CDS1: variants seen among roughly 807,000 people sequenced by gnomAD.
The protein encoded by CDS1 is CDP-diacylglycerol synthase 1, also known as phosphatidate cytidylyltransferase 1.
Under a neutral mutation model 62.1 loss-of-function variants are expected in CDS1, and 41 were observed. The ratio of observed to expected loss-of-function variants is 0.66; its 90% confidence interval spans 0.51 to 0.86. CDS1 has a LOEUF of 0.86. CDS1 is among the 40% of genes least tolerant of loss of function. The pLI is 0.00. For missense variants in CDS1, 470 were observed against 550.1 expected (o/e 0.85, Z 1.46); for synonymous variants, 185 against 192.6 (o/e 0.96, Z 0.32).
chr4:84,647,717 A>G (rs978902441), intron 12 of CDS1, among the ~76,000 whole-genome samples: 2 of 152,188 alleles, frequency 1.3e-5, no homozygotes, highest in Admixed American at 1.3e-4. Context: ...GCTCTTGTGC[A>G]ATTTGTTAAG....
chr4:84,589,959 C>T (rs185903159), intron 1 of CDS1, among the ~76,000 whole-genome samples: 4 of 152,242 alleles, frequency 2.6e-5, no homozygotes, highest in African/African-American at 4.8e-5. Flanking sequence ...TACAGGCACC[C>T]GCCACCACGC....
At chr4:84,622,422 C>T (rs2148650223) in intron 5 of CDS1, among the ~76,000 whole-genome samples, 1 of 151,926 alleles carries the variant, frequency 6.6e-6, no homozygotes. Context: ...AACCCGATCT[C>T]TACTAAAAAT....
chr4:84,645,633 A>G (rs1004471974), intron 12 of CDS1, among the ~76,000 whole-genome samples: 1 of 152,328 alleles, frequency 6.6e-6, no homozygotes, highest in Non-Finnish European at 1.5e-5. Flanking sequence ...TGCAATGATC[A>G]TGAATACTAA....
chr4:84,597,615 G>A (rs1388343382), intron 1 of CDS1, among the ~76,000 whole-genome samples: 1 of 152,114 alleles, frequency 6.6e-6, no homozygotes, highest in African/African-American at 2.4e-5. Flanking sequence ...TCCAACCTGG[G>A]TGACCCTGCC....
intron 1 of CDS1, among the ~76,000 whole-genome samples, chr4:84,589,894 T>C (rs1312464035): frequency 1.3e-5 from 2 of 152,180 alleles, no homozygotes; most frequent in African/African-American, 4.8e-5. Flanking sequence ...CACTGCAAGC[T>C]CTGCCTCCCG....
chr4:84,619,248 A>G, intron 4 of CDS1, 146 bp from the exon 5 acceptor site: 1 of 443,622 alleles, frequency 2.3e-6, no homozygotes, highest in Non-Finnish European at 3.9e-6. Flanking sequence ...AAACAGGAAA[A>G]TAGCATTTTG....
chr4:84,643,181 A>G, intron 11 of CDS1, 38 bp downstream of exon 11: 1 of 1,593,426 alleles, frequency 6.3e-7, no homozygotes, highest in Non-Finnish European at 8.6e-7. Flanking sequence ...ATTAGAGAAT[A>G]TAATTAGAGA....
intron 5 of CDS1, among the ~76,000 whole-genome samples, chr4:84,620,370 C>G (rs1386160108): frequency 1.3e-5 from 2 of 151,136 alleles, no homozygotes; most frequent in Non-Finnish European, 2.9e-5. Context: ...CTACAGGCCC[C>G]CGCCACCACA....
At chr4:84,645,374 T>C (rs1724526465) in intron 12 of CDS1, 49 bp downstream of exon 12, 1 of 1,143,544 alleles carries the variant, frequency 8.7e-7, no homozygotes, top group Non-Finnish European at 1.3e-6. Context: ...TGAGTTCTCA[T>C]TTCCATCAAC....
intron 1 of CDS1, among the ~76,000 whole-genome samples, chr4:84,594,385 A>T (rs1001418898): frequency 2.6e-5 from 4 of 152,150 alleles, no homozygotes; most frequent in African/African-American, 7.2e-5. Context: ...AGGTAATGAA[A>T]GTTGTCTCAG....
chr4:84,644,598 T>C (rs534014478), intron 11 of CDS1, among the ~76,000 whole-genome samples: 2 of 152,336 alleles, frequency 1.3e-5, no homozygotes, highest in South Asian at 4.1e-4. Flanking sequence ...CAGTTAGTCA[T>C]GTCCATTTCC....
chr4:84,583,523 GT>G lies in CDS1; in HGVS notation c.117+6del. Reference sequence around the variant, plus strand: ...ACCGAGAGCACCAGCGACAAAGTAAGTGGAGCCGAGAGAGGCGGACGCCGCG... The same window carrying G: ...ACCGAGAGCACCAGCGACAAAGTAAGGGAGCCGAGAGAGGCGGACGCCGCG... On this transcript the variant is annotated splice_donor_region_variant and intron_variant, in intron 1 of 12. Coordinates refer to ENST00000295887, the MANE Select transcript of CDS1 (RefSeq NM_001263.4). 6.7e-7 allele frequency: 1 copy of G among 1,497,294 alleles called. No individual in the cohort carries two copies. Among genetic ancestry groups the G allele is most frequent in the Non-Finnish European group, 8.9e-7 (1 of 1,117,722 alleles). The allele number at this position is 1,497,294 out of a possible 1,614,324, so 92.8% of individuals were successfully genotyped here.
At chr4:84,598,270 A>C (rs894103843) in intron 1 of CDS1, among the ~76,000 whole-genome samples, 2 of 152,046 alleles carry the variant, frequency 1.3e-5, no homozygotes, top group African/African-American at 4.8e-5. Context: ...TCAGGTGTGG[A>C]GCTCTATGTC....
intron 1 of CDS1, among the ~76,000 whole-genome samples, chr4:84,603,778 G>A (rs1208816357): frequency 2.6e-5 from 4 of 152,124 alleles, no homozygotes; most frequent in African/African-American, 9.7e-5. Context: ...TCTCTCTTGA[G>A]GATCTAATAA....
At chr4:84,646,237 A>G (rs1724554431) in intron 12 of CDS1, among the ~76,000 whole-genome samples, 1 of 152,182 alleles carries the variant, frequency 6.6e-6, no homozygotes, top group Non-Finnish European at 1.5e-5. Flanking sequence ...GACAGTCCTG[A>G]TAGCGAGTTT....
rs971130834 is a variant in CDS1, at chr4:84,594,268, C to T, written c.118-9975C>T. Among the ~76,000 whole-genome samples, 7 of 152,144 alleles carry T rather than the reference C, an allele frequency of 4.6e-5. No individual in the cohort carries two copies. In the East Asian group the frequency reaches 5.8e-4, roughly 13 times the overall value. On this transcript the variant is annotated intron_variant, in intron 1 of 12. Transcript: ENST00000295887. ...TTATATAGCACCCTGAGATACTGAA[C>T]GGAACCTATTCAGCTTCTAAGGGGT...
intron 5 of CDS1, among the ~76,000 whole-genome samples, chr4:84,621,572 G>A (rs1451822041): frequency 6.6e-6 from 1 of 152,080 alleles, no homozygotes; most frequent in Admixed American, 6.5e-5. Flanking sequence ...CAGGTTTTTT[G>A]TTACTTTTTA....
At chr4:84,645,023 C>T (rs1418907121) in intron 11 of CDS1, among the ~76,000 whole-genome samples, 199 bp from the exon 12 acceptor site, 1 of 152,166 alleles carries the variant, frequency 6.6e-6, no homozygotes, top group Non-Finnish European at 1.5e-5. Flanking sequence ...ATTCAGAAAT[C>T]ATTCTAAAAG....
chr4:84,594,632 A>C (rs1722694126), intron 1 of CDS1, among the ~76,000 whole-genome samples: 1 of 152,106 alleles, frequency 6.6e-6, no homozygotes, highest in South Asian at 2.1e-4. Context: ...AGTTTTCCCT[A>C]CTTTTTTATT....
Sources: allele counts gnomAD v4.1 joint callset (sites outside exome capture counted in the v4.1 genomes callset), GRCh38; gene constraint gnomAD v4.1.1; transcripts MANE v1.5; gene names NCBI Gene and HGNC (gene_info 2026-07-23, HGNC 2026-07-21).